Variants in RIC1 observed in about 807,000 individuals in gnomAD.
RIC1 encodes guanine nucleotide exchange factor subunit RIC1.
RIC1 carries 88 observed loss-of-function variants against 169.0 expected under a neutral mutation model. That is an observed-to-expected ratio of 0.52 (90% CI 0.44 to 0.62). The LOEUF (loss-of-function observed/expected upper bound fraction) is 0.62, where lower values mean the gene tolerates loss of function less well. Ranked by LOEUF, RIC1 falls within the 20% of genes least tolerant of loss-of-function variation. RIC1 has a pLI of 0.00. For missense variants in RIC1, 1,877 were observed against 1,725.5 expected, an observed-to-expected ratio of 1.09 and a Z score of -1.56; for synonymous variants, 790 against 601.5, an observed-to-expected ratio of 1.31 and a Z score of -4.59.
chr9:5,662,853 T>A (rs980059429), intron 2 of RIC1, among the ~76,000 whole-genome samples: 4 of 152,214 alleles, frequency 2.6e-5, no homozygotes, highest in Non-Finnish European at 4.4e-5. Context: ...TGCTCTGATC[T>A]TGGTTATATC....
At chr9:5,653,125 A>G (rs1353183006) in intron 1 of RIC1, among the ~76,000 whole-genome samples, 1 of 152,148 alleles carries the variant, frequency 6.6e-6, no homozygotes, top group African/African-American at 2.4e-5. Context: ...TGTGTTCATC[A>G]GGTATTTATT....
At chr9:5,691,829 A>G (rs193202411) in intron 3 of RIC1, among the ~76,000 whole-genome samples, 1 of 152,158 alleles carries the variant, frequency 6.6e-6, no homozygotes, top group Admixed American at 6.5e-5. Context: ...TGGTAGAGAA[A>G]TAACTTCTCT....
At chr9:5,735,270 G>T (rs898692507) in intron 7 of RIC1, among the ~76,000 whole-genome samples, 2 of 151,878 alleles carry the variant, frequency 1.3e-5, no homozygotes, top group Non-Finnish European at 2.9e-5. Flanking sequence ...AGTTCTTGTT[G>T]AGCAATACAG....
In RIC1 at chr9:5,728,169, C is replaced by T. The variant is rs1229770055; in HGVS notation, c.721-4219C>T. 7.9e-5 allele frequency among the ~76,000 whole-genome samples: 12 copies of T among 152,384 alleles called. No homozygotes were observed. The East Asian group carries it at 2.3e-3, about 29-fold the overall frequency. Reference sequence around the variant, plus strand: ...GGAGTCTACAGAGGCAGGCAGGCCTCCTTGAGCTGCGGTGGGCTCCACCCA... The same window carrying T: ...GGAGTCTACAGAGGCAGGCAGGCCTTCTTGAGCTGCGGTGGGCTCCACCCA... On this transcript the variant is annotated intron_variant, in intron 6 of 25. Coordinates refer to ENST00000414202, the MANE Select transcript of RIC1 (RefSeq NM_020829.4).
chr9:5,655,019 A>G (rs1819004737), intron 1 of RIC1, among the ~76,000 whole-genome samples: 1 of 152,196 alleles, frequency 6.6e-6, no homozygotes, highest in Non-Finnish European at 1.5e-5. Context: ...TGATCACATT[A>G]TCTATGAGTA....
intron 3 of RIC1, among the ~76,000 whole-genome samples, chr9:5,705,061 G>A (rs1249589843): frequency 6.6e-6 from 1 of 152,082 alleles, no homozygotes; most frequent in East Asian, 1.9e-4. Flanking sequence ...GTTGGTTACT[G>A]TAGCTTTGCA....
rs893966000 is a variant in RIC1 at position 5,774,621 on chromosome 9, G to A, written c.*375G>A. Reference sequence around the variant, plus strand: ...CCCGGTTCTGCATTATGTCCAGATTGCTTTTTAAAAAATAAATGCTAAGGT... The same window carrying A: ...CCCGGTTCTGCATTATGTCCAGATTACTTTTTAAAAAATAAATGCTAAGGT... On this transcript the variant is annotated 3_prime_UTR_variant, in exon 26 of 26. Coordinates refer to ENST00000414202, the MANE Select transcript of RIC1 (RefSeq NM_020829.4). 11 of 165,528 alleles carry A rather than the reference G, an allele frequency of 6.6e-5. No individual in the cohort carries two copies. The highest frequency in any genetic ancestry group is 2.6e-4 in the African/African-American group (11 of 41,760). 10.3% of individuals were successfully genotyped at this position (165,528 alleles called of 1,614,324 possible). A position where few individuals can be genotyped will look rare whatever the true frequency, so the allele number is the denominator to read the frequency against.
At chr9:5,692,864 C>T (rs983113404) in intron 3 of RIC1, among the ~76,000 whole-genome samples, 5 of 151,970 alleles carry the variant, frequency 3.3e-5, no homozygotes, top group Admixed American at 6.6e-5. Flanking sequence ...TTTTTTAATA[C>T]GTATTTAATC....
chr9:5,759,936 A>C (rs146044892), intron 17 of RIC1, among the ~76,000 whole-genome samples: 1 of 152,354 alleles, frequency 6.6e-6, no homozygotes, highest in East Asian at 1.9e-4. Context: ...TCCCAGATAG[A>C]GTAGGCAACC....
chr9:5,645,351 A>C (rs1818453022), intron 1 of RIC1, among the ~76,000 whole-genome samples: 1 of 152,226 alleles, frequency 6.6e-6, no homozygotes, highest in South Asian at 2.1e-4. Flanking sequence ...TTTTTGTTTA[A>C]GTGGAATATT....
chr9:5,660,939 C>T (rs991113212), intron 2 of RIC1, among the ~76,000 whole-genome samples: 1 of 152,052 alleles, frequency 6.6e-6, no homozygotes, highest in African/African-American at 2.4e-5. Context: ...GCCTGTGTCC[C>T]AAATGGTATT....
rs540740135 is a variant in RIC1, at chr9:5,738,669, A to G, written c.901+131A>G. On this transcript the variant is annotated intron_variant, in intron 8 of 25. Coordinates refer to ENST00000414202, the MANE Select transcript of RIC1 (RefSeq NM_020829.4). Reference sequence around the variant, plus strand: ...TCAAATATTGGGGCTCTGGGTGTGTAAACTGGCTCAAGTCTGGAAATTGAT... The same window carrying G: ...TCAAATATTGGGGCTCTGGGTGTGTGAACTGGCTCAAGTCTGGAAATTGAT... 6 of 481,184 alleles carry G rather than the reference A, an allele frequency of 1.2e-5. No homozygotes were observed. In the East Asian group the frequency reaches 2.0e-4, roughly 16 times the overall value. 29.8% of individuals were successfully genotyped at this position (481,184 alleles called of 1,614,324 possible).
At chr9:5,768,113 A>C (rs1020189461) in intron 21 of RIC1, among the ~76,000 whole-genome samples, 1 of 152,174 alleles carries the variant, frequency 6.6e-6, no homozygotes, top group African/African-American at 2.4e-5. Flanking sequence ...TCTTTACCCC[A>C]CCACTAAACT....
chr9:5,670,287 C>G (rs1820013588), intron 2 of RIC1, among the ~76,000 whole-genome samples: 1 of 152,178 alleles, frequency 6.6e-6, no homozygotes, highest in East Asian at 1.9e-4. Context: ...TTTGCTCCAG[C>G]AGGCGTCTGC....
intron 1 of RIC1, among the ~76,000 whole-genome samples, chr9:5,655,943 C>T (rs909830836): frequency 6.6e-5 from 10 of 151,936 alleles, no homozygotes; most frequent in African/African-American, 2.2e-4. Context: ...GATCTCGGCT[C>T]ACTGCAAGCT....
At chr9:5,667,813 C>T (rs983975245) in intron 2 of RIC1, among the ~76,000 whole-genome samples, 1 of 152,082 alleles carries the variant, frequency 6.6e-6, no homozygotes, top group African/African-American at 2.4e-5. Flanking sequence ...CTGAGATGTG[C>T]CTTTTTAAGT....
At chr9:5,632,543 TTTATATTGGAGCCCCAATA>T (rs1401126329) in intron 1 of RIC1, among the ~76,000 whole-genome samples, 1 of 152,190 alleles carries the variant, frequency 6.6e-6, no homozygotes, top group East Asian at 1.9e-4. Context: ...ACTTAGCTTT[TTTATATTGGAGCCCCAATA>T]TTATATTTTG....
intron 2 of RIC1, among the ~76,000 whole-genome samples, chr9:5,668,644 C>T (rs959625857): frequency 2.0e-5 from 3 of 152,106 alleles, no homozygotes; most frequent in Non-Finnish European, 2.9e-5. Context: ...TTATCTTTTC[C>T]GTCTGCTCAA....
At chr9:5,759,384 A>T (rs1198560878) in intron 17 of RIC1, among the ~76,000 whole-genome samples, 1 of 152,218 alleles carries the variant, frequency 6.6e-6, no homozygotes, top group Non-Finnish European at 1.5e-5. Context: ...GGAGCAGAAT[A>T]CAAGACATTC....
Sources: allele counts gnomAD v4.1 joint callset (sites outside exome capture counted in the v4.1 genomes callset), GRCh38; gene constraint gnomAD v4.1.1; transcripts MANE v1.5; gene names NCBI Gene and HGNC (gene_info 2026-07-23, HGNC 2026-07-21).